The following HERC6 variants were observed in gnomAD, a reference collection of about 807,000 sequenced individuals.
HERC6 encodes probable E3 ubiquitin-protein ligase HERC6.
HERC6 carries 101 observed loss-of-function variants against 114.5 expected under a neutral mutation model. The observed-to-expected ratio is 0.88, with a 90% confidence interval of 0.75 to 1.04. HERC6 has a LOEUF of 1.04. Ranked by LOEUF, HERC6 falls within the 50% of genes least tolerant of loss-of-function variation. The pLI, the probability that HERC6 is intolerant of heterozygous loss-of-function variation, is 0.00. For missense variants in HERC6, 1,133 were observed against 1,230.9 expected, an observed-to-expected ratio of 0.92 and a Z score of 1.19; for synonymous variants, 408 against 436.2, an observed-to-expected ratio of 0.94 and a Z score of 0.81.
intron 3 of HERC6, among the ~76,000 whole-genome samples, chr4:88,389,296 G>A (rs765907650): frequency 2.0e-5 from 3 of 152,176 alleles, no homozygotes; most frequent in Non-Finnish European, 4.4e-5. Flanking sequence ...GTCCGTCATT[G>A]AGTGAGACAG....
chr4:88,431,054 TA>T, intron 16 of HERC6, 107 bp from the exon 17 acceptor site: 1 of 972,896 alleles, frequency 1.0e-6, no homozygotes, highest in Non-Finnish European at 1.5e-6. Flanking sequence ...TATGTGATTC[TA>T]ATAATTCTAG....
Position 88,407,164 on chromosome 4 carries a change from G to A in HERC6, c.1275-1360G>A, listed in dbSNP as rs183093609. On this transcript the variant is annotated intron_variant, in intron 10 of 22. Transcript: ENST00000264346. ...GTGATCTCTGCTCACTGCAGCCTCCGCCTCGTGGGTTCATGTGATTCTTCC... is the reference window on the plus strand; with the variant it reads ...GTGATCTCTGCTCACTGCAGCCTCCACCTCGTGGGTTCATGTGATTCTTCC... Among the ~76,000 whole-genome samples the A allele has an allele frequency of 1.1e-3, 169 of 152,196 alleles. 1 individual carries two copies. The highest frequency in any genetic ancestry group is 1.8e-3 in the Admixed American group (27 of 15,296).
intron 13 of HERC6, among the ~76,000 whole-genome samples, chr4:88,418,978 C>T (rs372609930): frequency 3.0e-4 from 46 of 152,230 alleles, no homozygotes; most frequent in African/African-American, 9.6e-4. Context: ...CCGCCTGCCT[C>T]GCCTCCCAAA....
At chr4:88,410,420 G>A (rs1156462837) in intron 11 of HERC6, among the ~76,000 whole-genome samples, 2 of 152,158 alleles carry the variant, frequency 1.3e-5, no homozygotes, top group African/African-American at 4.8e-5. Flanking sequence ...ATGGGAGGCA[G>A]GTTTGCACTA....
intron 1 of HERC6, among the ~76,000 whole-genome samples, chr4:88,381,791 C>T (rs147963943): frequency 0.027 from 4,136 of 151,992 alleles, 199 homozygotes; most frequent in African/African-American, 0.093. Context: ...CTCCTGACCT[C>T]GTGATCCACC....
chr4:88,382,761 C>G (rs974365635), intron 1 of HERC6, among the ~76,000 whole-genome samples: 3 of 152,094 alleles, frequency 2.0e-5, no homozygotes, highest in Non-Finnish European at 4.4e-5. Flanking sequence ...ATAACGTGTT[C>G]CAGGAAGCAA....
intron 3 of HERC6, among the ~76,000 whole-genome samples, chr4:88,388,568 A>G (rs1048397079): frequency 6.7e-6 from 1 of 148,658 alleles, no homozygotes; most frequent in Admixed American, 6.7e-5. Context: ...AAAAAAAAAA[A>G]AGACAGATTA....
In HERC6 at chr4:88,431,156, C is replaced by T; in HGVS notation, c.2107-6C>T. 1.2e-6 allele frequency: 2 copies of T among 1,603,198 alleles called. No individual in the cohort carries two copies. Among genetic ancestry groups the T allele is most frequent in the South Asian group, 1.1e-5 (1 of 88,040 alleles). ...CAGGATCTGGGACTATGTTCTCTTTCCTTAGGTTGAATTTATTAATGAAAT... is the reference window on the plus strand; with the variant it reads ...CAGGATCTGGGACTATGTTCTCTTTTCTTAGGTTGAATTTATTAATGAAAT... On this transcript the variant is annotated splice_polypyrimidine_tract_variant and splice_region_variant and intron_variant, in intron 16 of 22. Transcript: ENST00000264346.
intron 13 of HERC6, among the ~76,000 whole-genome samples, chr4:88,423,283 GA>G (rs1455314423): frequency 6.6e-6 from 1 of 151,928 alleles, no homozygotes; most frequent in Non-Finnish European, 1.5e-5. Context: ...AAGCCTTCTT[GA>G]ACCTCTTAAG....
chr4:88,384,095 TTCCTTGA>T (rs1734458848), intron 2 of HERC6, among the ~76,000 whole-genome samples: 1 of 152,124 alleles, frequency 6.6e-6, no homozygotes, highest in Admixed American at 6.5e-5. Flanking sequence ...TCCCAGTAAC[TTCCTTGA>T]GTGAGAGTTT....
intron 10 of HERC6, among the ~76,000 whole-genome samples, chr4:88,407,067 A>C (rs28442062): frequency 7.3e-6 from 1 of 137,686 alleles, no homozygotes; most frequent in Admixed American, 7.3e-5. Context: ...CCTCTTTTTT[A>C]AATTTTTATT....
At chr4:88,399,143 T>C (rs1735409256) in intron 8 of HERC6, 1 of 152,256 alleles carries the variant, frequency 6.6e-6, no homozygotes, top group African/African-American at 2.4e-5. Context: ...TGTTTTAAAA[T>C]TGATGTTTAA....
At chr4:88,431,792 G>A (rs556177960) in intron 17 of HERC6, among the ~76,000 whole-genome samples, 112 of 152,238 alleles carry the variant, frequency 7.4e-4, no homozygotes, top group African/African-American at 2.6e-3. Context: ...TGGCCAGGCT[G>A]GTCTCAAACT....
At position 88,400,685 on chromosome 4, in the gene HERC6, G is replaced by A. The variant is rs1735487027; in HGVS notation, c.1092+2476G>A. On this transcript the variant is annotated intron_variant, in intron 8 of 22. Coordinates refer to ENST00000264346, the MANE Select transcript of HERC6 (RefSeq NM_017912.4). The stretch of plus-strand genomic sequence containing the variant: ...ATCCCTTCATCACAAGAAGTAGGGT[G>A]AATACAGTATAATAAACTATTCTGA... 3.9e-5 allele frequency among the ~76,000 whole-genome samples: 6 copies of A among 152,162 alleles called. No homozygotes were observed. The South Asian group carries it at 1.2e-3, about 32-fold the overall frequency.
chr4:88,426,150 G>T (rs1045176236), intron 15 of HERC6, among the ~76,000 whole-genome samples: 1 of 152,058 alleles, frequency 6.6e-6, no homozygotes. Flanking sequence ...CACAGGTAAG[G>T]GCTGTCCCTC....
chr4:88,419,374 A>C (rs1023471487), intron 13 of HERC6, among the ~76,000 whole-genome samples: 4 of 152,204 alleles, frequency 2.6e-5, no homozygotes, highest in Non-Finnish European at 5.9e-5. Flanking sequence ...TGGTAGTCCC[A>C]ATAAAGAGAA....
At chr4:88,424,502 C>T (rs1035963758) in intron 14 of HERC6, 93 bp from the exon 15 acceptor site, 214 of 933,976 alleles carry the variant, frequency 2.3e-4, no homozygotes, top group Middle Eastern at 1.1e-3. Flanking sequence ...ACCACAAAAA[C>T]CAGATTCCAA....
intron 15 of HERC6, among the ~76,000 whole-genome samples, chr4:88,425,786 T>G (rs1344679272): frequency 6.8e-6 from 1 of 147,982 alleles, no homozygotes; most frequent in Non-Finnish European, 1.5e-5. Context: ...TAAAACAAAT[T>G]TTCCAAACTT....
intron 22 of HERC6, 161 bp downstream of exon 22, chr4:88,440,411 G>T: frequency 1.7e-6 from 1 of 594,856 alleles, no homozygotes; most frequent in East Asian, 2.8e-5. Flanking sequence ...ACACACAAAG[G>T]GTGAGGTATA....
Sources: gnomAD v4.1 joint callset for allele counts (sites outside exome capture counted in the v4.1 genomes callset) on GRCh38, gnomAD v4.1.1 for gene constraint, MANE v1.5 for transcripts, NCBI Gene and HGNC (gene_info 2026-07-23, HGNC 2026-07-21) for gene names.